SIPA1L2: variants seen among roughly 807,000 people sequenced by gnomAD.
SIPA1L2 encodes the protein signal-induced proliferation-associated 1-like protein 2.
Under a neutral mutation model 163.9 loss-of-function variants are expected in SIPA1L2, and 56 were observed. The observed-to-expected ratio is 0.34, with a 90% CI of 0.28 to 0.43. The LOEUF is 0.43. Ranked by LOEUF, SIPA1L2 falls within the 20% of genes least tolerant of loss-of-function variation. SIPA1L2 has a pLI of 1.00. For synonymous variants in SIPA1L2, 877 were observed against 865.7 expected (o/e 1.01, Z -0.23); for missense variants, 1,974 against 2,193.5 (o/e 0.90, Z 2.00).
chr1:232,517,996 A>G (rs1347821446), intron 2 of SIPA1L2, among the ~76,000 whole-genome samples: 1 of 152,202 alleles, frequency 6.6e-6, no homozygotes, highest in East Asian at 1.9e-4. Flanking sequence ...GCGGTGAGCT[A>G]TGATCGCACC....
chr1:232,593,387 G>C (rs116778710), intron 1 of SIPA1L2, among the ~76,000 whole-genome samples: 142 of 152,278 alleles, frequency 9.3e-4, no homozygotes, highest in African/African-American at 3.2e-3. Flanking sequence ...TGTGCTTTCA[G>C]CTTCTGCACT....
chr1:232,398,995 G>A lies in SIPA1L2; in HGVS notation c.*132C>T, dbSNP rs1443008465. The A allele has an allele frequency of 7.1e-6, 9 of 1,263,184 alleles. No individual in the cohort carries two copies. The highest frequency in any genetic ancestry group is 9.8e-6 in the Non-Finnish European group (9 of 914,708). 78.2% of individuals were successfully genotyped at this position (1,263,184 alleles called of 1,614,324 possible). On this transcript the variant is annotated 3_prime_UTR_variant, in exon 23 of 23. Transcript: ENST00000674635. ...TCGAGGCTCCCTATCCTGCTGTGGT[G>A]AATGGTGCTACACAGAATGGAACAG...
chr1:232,604,001 T>C (rs1168692120), intron 1 of SIPA1L2, among the ~76,000 whole-genome samples: 2 of 152,154 alleles, frequency 1.3e-5, no homozygotes, highest in African/African-American at 4.8e-5. Flanking sequence ...AATCAGACTA[T>C]GCTTTTTAAG....
intron 10 of SIPA1L2, among the ~76,000 whole-genome samples, chr1:232,451,198 A>T (rs1663554884): frequency 6.6e-6 from 1 of 152,216 alleles, no homozygotes; most frequent in Non-Finnish European, 1.5e-5. Context: ...CATATATATG[A>T]GAAATTCCTT....
chr1:232,451,859 T>C (rs187086212), intron 10 of SIPA1L2, among the ~76,000 whole-genome samples: 12 of 152,140 alleles, frequency 7.9e-5, no homozygotes, highest in East Asian at 2.0e-4. Context: ...TAGGGATCAA[T>C]ACAAAGTCAG....
intron 10 of SIPA1L2, among the ~76,000 whole-genome samples, chr1:232,453,383 C>T (rs1214312795): frequency 1.3e-5 from 2 of 152,250 alleles, no homozygotes; most frequent in African/African-American, 4.8e-5. Context: ...GTCACAGCTT[C>T]ATCTAATCCC....
chr1:232,497,745 C>T (rs1666269531), intron 3 of SIPA1L2, among the ~76,000 whole-genome samples: 1 of 152,182 alleles, frequency 6.6e-6, no homozygotes, highest in African/African-American at 2.4e-5. Context: ...ATGGCTCCTC[C>T]TCTGGCCTCT....
chr1:232,526,474 TA>T (rs1667713131), intron 2 of SIPA1L2, among the ~76,000 whole-genome samples: 2 of 152,210 alleles, frequency 1.3e-5, no homozygotes, highest in Non-Finnish European at 2.9e-5. Flanking sequence ...GTGCTCAACC[TA>T]AATGTATGTG....
rs781167751 is a variant in SIPA1L2 at position 232,441,854 on chromosome 1, A to G, written c.3452T>C (p.Leu1151Pro). 6.2e-7 allele frequency: 1 copy of G among 1,612,588 alleles called. No homozygotes were observed. Among genetic ancestry groups the G allele is most frequent in the South Asian group, 1.1e-5 (1 of 90,592 alleles). ...GCCTGAGCCCTGGTGTTCGAGCAGT[A>G]GAGGGGACTGGCACCTGAAAAGAAC... is the stretch of plus-strand genomic sequence containing the variant. ...QVGYDGCQSP[L>P]LLEHQGSGPL... The change falls in exon 13 of 23, where the codon CTA becomes CCA. Residue 1151 changes from leucine (L) to proline (P), a missense_variant. Physicochemically the swap from Leu to Pro is moderately conservative, Grantham distance 98. Transcript: ENST00000674635.
chr1:232,537,047 G>A (rs898989361), intron 2 of SIPA1L2, among the ~76,000 whole-genome samples: 3 of 152,236 alleles, frequency 2.0e-5, no homozygotes, highest in African/African-American at 7.2e-5. Context: ...ACCAGCCTAG[G>A]CAACATGGTG....
intron 2 of SIPA1L2, among the ~76,000 whole-genome samples, chr1:232,523,029 C>T (rs1004531449): frequency 3.9e-5 from 6 of 152,198 alleles, no homozygotes; most frequent in Admixed American, 3.9e-4. Flanking sequence ...TTGCCCAAAA[C>T]AATCTCCAGG....
chr1:232,581,405 G>T (rs1001136898), intron 1 of SIPA1L2, among the ~76,000 whole-genome samples: 1 of 152,150 alleles, frequency 6.6e-6, no homozygotes, highest in African/African-American at 2.4e-5. Flanking sequence ...AGATCACAGA[G>T]AAAGGGCTGT....
intron 2 of SIPA1L2, among the ~76,000 whole-genome samples, chr1:232,566,638 G>A (rs113720608): frequency 7.9e-4 from 120 of 152,214 alleles, no homozygotes; most frequent in African/African-American, 2.8e-3. Flanking sequence ...CTTAATAGAC[G>A]GACTTTCACA....
intron 10 of SIPA1L2, among the ~76,000 whole-genome samples, chr1:232,459,118 T>C (rs1395746171): frequency 6.6e-6 from 1 of 152,230 alleles, no homozygotes; most frequent in Non-Finnish European, 1.5e-5. Context: ...TTTTGCACAT[T>C]AACCATAGAG....
chr1:232,627,393 T>C (rs1012437235), intron 1 of SIPA1L2, among the ~76,000 whole-genome samples: 2 of 152,192 alleles, frequency 1.3e-5, no homozygotes, highest in Non-Finnish European at 2.9e-5. Context: ...CTTTCAGAAA[T>C]AGACTGCTAA....
intron 15 of SIPA1L2, 94 bp downstream of exon 15, chr1:232,439,014 C>T (rs1662729835): frequency 5.2e-6 from 7 of 1,335,022 alleles, no homozygotes; most frequent in Non-Finnish European, 6.0e-6. Flanking sequence ...TACCTGATGC[C>T]CCTACTGCTT....
chr1:232,578,514 T>C (rs1490009928), intron 1 of SIPA1L2, among the ~76,000 whole-genome samples: 1 of 152,250 alleles, frequency 6.6e-6, no homozygotes, highest in East Asian at 1.9e-4. Context: ...ATTTTTTCTC[T>C]AAGGAAGCTT....
chr1:232,554,032 T>C lies in SIPA1L2; in HGVS notation c.-270+20142A>G, dbSNP rs960854915. ...GCCCTGACTCCATCCAGGACATTTA[T>C]AAACTACTGCAGGAGGCAAGATTAA... On this transcript the variant is annotated intron_variant, in intron 2 of 22. Transcript: ENST00000674635. 2.6e-5 allele frequency among the ~76,000 whole-genome samples: 4 copies of C among 152,222 alleles called. No homozygotes were observed. In the East Asian group the frequency reaches 7.7e-4, roughly 29 times the overall value.
chr1:232,566,771 A>G (rs1659430216), intron 2 of SIPA1L2, among the ~76,000 whole-genome samples: 1 of 152,214 alleles, frequency 6.6e-6, no homozygotes, highest in Admixed American at 6.5e-5. Context: ...AAGTCTGATT[A>G]TTTCAAGCAG....
Sources: allele counts gnomAD v4.1 joint callset (sites outside exome capture counted in the v4.1 genomes callset), GRCh38; gene constraint gnomAD v4.1.1; transcripts MANE v1.5; gene names NCBI Gene and HGNC (gene_info 2026-07-23, HGNC 2026-07-21).